ATP6V0A2: variants seen among roughly 807,000 people sequenced by gnomAD.
ATP6V0A2 encodes V-type proton ATPase 116 kDa subunit a 2.
A neutral mutation model predicts 104.4 loss-of-function variants in ATP6V0A2; 58 were observed. The ratio of observed to expected loss-of-function variants is 0.56; its 90% confidence interval spans 0.45 to 0.69. ATP6V0A2 has a LOEUF of 0.69. Among genes scored for constraint, ATP6V0A2 ranks in the 30% least tolerant of loss-of-function variants. The pLI is 0.00. For missense variants in ATP6V0A2, 938 were observed against 1,062.9 expected (o/e 0.88, Z 1.63); for synonymous variants, 376 against 397.9 (o/e 0.95, Z 0.65).
At position 123,758,068 on chromosome 12, in the gene ATP6V0A2, G is replaced by A. The variant is rs371405262; in HGVS notation, c.*36G>A. Reference sequence around the variant, plus strand: ...GTAACCAACAAGCTTTCAGATTTATGGAGAATGACCATGTTATAGACTTTC... The same window carrying A: ...GTAACCAACAAGCTTTCAGATTTATAGAGAATGACCATGTTATAGACTTTC... On this transcript the variant is annotated 3_prime_UTR_variant, in exon 20 of 20. Coordinates refer to ENST00000330342, the MANE Select transcript of ATP6V0A2 (RefSeq NM_012463.4). The A allele has an allele frequency of 6.4e-6, 9 of 1,400,210 alleles. No homozygotes were observed. Among genetic ancestry groups the A allele is most frequent in the East Asian group, 2.3e-5 (1 of 43,868 alleles). The allele number at this position is 1,400,210 out of a possible 1,614,324, so 86.7% of individuals were successfully genotyped here.
intron 13 of ATP6V0A2, among the ~76,000 whole-genome samples, chr12:123,747,153 A>G (rs1251484519): frequency 6.6e-6 from 1 of 152,148 alleles, no homozygotes; most frequent in Non-Finnish European, 1.5e-5. Context: ...ATTTCATTGT[A>G]TTCACAGCTA....
rs138550741 is a variant in ATP6V0A2, at chr12:123,729,853, C to T, written c.648+1944C>T. On this transcript the variant is annotated intron_variant, in intron 6 of 19. Transcript: ENST00000330342. ...TTTTTTAGATGGAGTCTCACCCTGT[C>T]GCCCAGGCTGGAGTGCAGTGGCATG... Among the ~76,000 whole-genome samples, 1,423 of 152,096 alleles carry T rather than the reference C, an allele frequency of 9.4e-3. 15 individuals are homozygous for T. Among genetic ancestry groups the T allele is most frequent in the African/African-American group, 0.032 (1,328 of 41,472 alleles).
chr12:123,754,867 C>A, intron 18 of ATP6V0A2: 1 of 361,788 alleles, frequency 2.8e-6, no homozygotes, highest in East Asian at 5.4e-5. Context: ...GCTACTGTTG[C>A]CATTACTGTT....
In ATP6V0A2 at chr12:123,751,142, A is replaced by G. The variant is rs1221486246; in HGVS notation, c.1968A>G (p.Thr656=). 1 of 1,614,120 alleles carries G rather than the reference A, an allele frequency of 6.2e-7. No individual in the cohort carries two copies. The change falls in exon 16 of 20, where the codon ACA becomes ACG. Residue 656 remains threonine (T), a synonymous_variant. Coordinates refer to ENST00000330342, the MANE Select transcript of ATP6V0A2 (RefSeq NM_012463.4). ...TCCAGAGAGTGCTGCTGGTTGTCAC[A>G]GCATTGTCTGTCCCTGTCCTCTTCT... ...EYVQRVLLVV[T]ALSVPVLFLG...
intron 8 of ATP6V0A2, among the ~76,000 whole-genome samples, chr12:123,736,694 G>A (rs971946906): frequency 2.0e-5 from 3 of 152,190 alleles, no homozygotes; most frequent in Non-Finnish European, 4.4e-5. Context: ...GGGTTGACAG[G>A]GGTGAGGCCA....
intron 6 of ATP6V0A2, among the ~76,000 whole-genome samples, chr12:123,729,322 G>GTTTTTTTTTTGTTT (rs1956478385): frequency 8.8e-6 from 1 of 113,890 alleles, no homozygotes; most frequent in Non-Finnish European, 1.7e-5. Flanking sequence ...CAAGGAGGCT[G>GTTTTTTTTTTGTTT]TTTTTTTTTT....
In ATP6V0A2 at chr12:123,757,966, C is replaced by G. The variant is rs535703391; in HGVS notation, c.2505C>G (p.Thr835=). 3.4e-5 allele frequency: 54 copies of G among 1,611,096 alleles called. No individual in the cohort carries two copies. In the South Asian group the frequency reaches 5.7e-4, roughly 17 times the overall value. Residue 835 remains threonine, a synonymous_variant, in exon 20 of 20, where the codon ACC becomes ACG. Coordinates refer to ENST00000330342, the MANE Select transcript of ATP6V0A2 (RefSeq NM_012463.4). ...ACAAATTCTACGTTGGTGCAGGCAC[C>G]AAATTTGTTCCTTTCTCATTCAGTC... is the stretch of plus-strand genomic sequence containing the variant. ...FQNKFYVGAG[T]KFVPFSFSLL...
chr12:123,752,390 G>T lies in ATP6V0A2; in HGVS notation c.2163G>T (p.Met721Ile). ...NHQVEDGCRE[M>I]ACEEFNFGEI... ...AGGTGGAAGATGGATGTAGAGAAATGGCGTGTGAAGAGGTAAATCTTTTCA... is the reference window on the plus strand; with the variant it reads ...AGGTGGAAGATGGATGTAGAGAAATTGCGTGTGAAGAGGTAAATCTTTTCA... The change falls in exon 17 of 20, where the codon ATG (methionine) becomes ATT (isoleucine). Residue 721 changes from methionine to isoleucine, a missense_variant. Met to Ile is a conservative substitution (Grantham distance 10). Coordinates refer to ENST00000330342, the MANE Select transcript of ATP6V0A2 (RefSeq NM_012463.4). The T allele has an allele frequency of 1.2e-6, 2 of 1,614,090 alleles. No individual in the cohort carries two copies. Among genetic ancestry groups the T allele is most frequent in the Non-Finnish European group, 1.7e-6 (2 of 1,179,998 alleles).
Position 123,744,440 on chromosome 12 carries a change from T to C in ATP6V0A2, c.1326+103T>C. 1 of 1,575,328 alleles carries C rather than the reference T, an allele frequency of 6.3e-7. No homozygotes were observed. The highest frequency in any genetic ancestry group is 2.2e-5 in the East Asian group (1 of 44,636). On this transcript the variant is annotated intron_variant, in intron 11 of 19. Coordinates refer to ENST00000330342, the MANE Select transcript of ATP6V0A2 (RefSeq NM_012463.4). This position sits in a 1 kb window ranked among gnomAD's most constrained non-coding sequence, Gnocchi z 5.4. ...TGTTTGCTGTAGGCTGCGGCTGTGCTGGGCAGGTGTGTGGCCTGTCAGCTG... is the reference window on the plus strand; with the variant it reads ...TGTTTGCTGTAGGCTGCGGCTGTGCCGGGCAGGTGTGTGGCCTGTCAGCTG...
Position 123,744,447 on chromosome 12 carries a change from G to A in ATP6V0A2, c.1326+110G>A. The A allele has an allele frequency of 6.4e-7, 1 of 1,566,478 alleles. No homozygotes were observed. The highest frequency in any genetic ancestry group is 8.8e-7 in the Non-Finnish European group (1 of 1,141,080). On this transcript the variant is annotated intron_variant, in intron 11 of 19. Coordinates refer to ENST00000330342, the MANE Select transcript of ATP6V0A2 (RefSeq NM_012463.4). This position sits in a 1 kb window ranked among gnomAD's most constrained non-coding sequence, Gnocchi z 5.4. ...TGTAGGCTGCGGCTGTGCTGGGCAG[G>A]TGTGTGGCCTGTCAGCTGCGGCTGA...
Position 123,759,278 on chromosome 12 carries a change from G to A in ATP6V0A2, c.*1246G>A, listed in dbSNP as rs1593925930. On this transcript the variant is annotated 3_prime_UTR_variant, in exon 20 of 20. Transcript: ENST00000330342. ...GAAGATATTTTACCATGAAGAGATT[G>A]CACTTATCCTTGAGAACAGTCTAAT... 1 of 152,030 alleles carries A rather than the reference G, an allele frequency of 6.6e-6. No individual in the cohort carries two copies. Among genetic ancestry groups the A allele is most frequent in the Middle Eastern group, 3.4e-3 (1 of 292 alleles). 9.4% of individuals were successfully genotyped at this position (152,030 alleles called of 1,614,324 possible). A position where few individuals can be genotyped will look rare whatever the true frequency, so the allele number is the denominator to read the frequency against.
At chr12:123,751,847 T>G (rs1465221992) in intron 16 of ATP6V0A2, among the ~76,000 whole-genome samples, 1 of 115,252 alleles carries the variant, frequency 8.7e-6, no homozygotes, top group Non-Finnish European at 1.9e-5. Flanking sequence ...TTTCTTTTCT[T>G]TTCTTTCTTT....
intron 6 of ATP6V0A2, 35 bp from the exon 7 acceptor site, chr12:123,733,891 C>A: frequency 1.3e-6 from 2 of 1,512,086 alleles, no homozygotes; most frequent in Non-Finnish European, 1.8e-6. Context: ...TTTATACACG[C>A]AGAAATAACA....
chr12:123,719,777 C>T (rs964100565), intron 2 of ATP6V0A2, among the ~76,000 whole-genome samples: 12 of 151,988 alleles, frequency 7.9e-5, no homozygotes, highest in Non-Finnish European at 1.5e-4. Flanking sequence ...GGCCTTCCTG[C>T]GATAAGCAAA....
chr12:123,749,822 T>TA (rs1202407696), intron 15 of ATP6V0A2, among the ~76,000 whole-genome samples: 1 of 152,170 alleles, frequency 6.6e-6, no homozygotes, highest in Admixed American at 6.5e-5. Context: ...GAGCCTGTGT[T>TA]CCTCCTGAGC....
chr12:123,750,522 A>G (rs1012033744), intron 15 of ATP6V0A2: 7 of 181,398 alleles, frequency 3.9e-5, no homozygotes, highest in Admixed American at 5.4e-5. Context: ...TGGACAGCAC[A>G]GTGTCCCGTC....
chr12:123,727,682 T>C lies in ATP6V0A2; in HGVS notation c.522-101T>C, dbSNP rs976644021. On this transcript the variant is annotated intron_variant, in intron 5 of 19. Transcript: ENST00000330342. ...TTGCAGTTGGAGGGCTCTCAGGATG[T>C]CTTCACCACTTGGTAGAAATGAAGT... is the stretch of plus-strand genomic sequence containing the variant. 66 of 1,457,208 alleles carry C rather than the reference T, an allele frequency of 4.5e-5. 1 individual carries two copies. In the Admixed American group the frequency reaches 1.1e-3, roughly 23 times the overall value. The allele number at this position is 1,457,208 out of a possible 1,614,324, so 90.3% of individuals were successfully genotyped here.
rs1385591729 is a variant in ATP6V0A2 at position 123,758,818 on chromosome 12, G to A, written c.*786G>A. The A allele has an allele frequency of 6.6e-6, 1 of 152,094 alleles. No individual in the cohort carries two copies. Among genetic ancestry groups the A allele is most frequent in the Non-Finnish European group, 1.5e-5 (1 of 68,024 alleles). 9.4% of individuals were successfully genotyped at this position (152,094 alleles called of 1,614,324 possible). On this transcript the variant is annotated 3_prime_UTR_variant, in exon 20 of 20. Transcript: ENST00000330342. ...ATTACAGGCGTGAGCCACCATGCCT[G>A]GCCAAAATATGCAAATATTTTTTAT...
In ATP6V0A2 at chr12:123,744,837, C is replaced by T. The variant is rs1956644871; in HGVS notation, c.1515-45C>T. 1.2e-6 allele frequency: 2 copies of T among 1,613,862 alleles called. No individual in the cohort carries two copies. The highest frequency in any genetic ancestry group is 2.7e-5 in the African/African-American group (2 of 74,918). On this transcript the variant is annotated intron_variant, in intron 12 of 19. Transcript: ENST00000330342. This position sits in a 1 kb window ranked among gnomAD's most constrained non-coding sequence, Gnocchi z 5.4. ...TGGGTGGAAAGCATGTTTCCTAGAC[C>T]TTCCTCCTCCCAGGTCAGCCTCCTC...
Sources: gnomAD v4.1 joint callset for allele counts (sites outside exome capture counted in the v4.1 genomes callset) on GRCh38, gnomAD v4.1.1 for gene constraint, Gnocchi (gnomAD v3.1) non-coding constraint, MANE v1.5 for transcripts, NCBI Gene and HGNC (gene_info 2026-07-23, HGNC 2026-07-21) for gene names.